The following ACVR2A variants were observed in gnomAD, a reference collection of about 807,000 sequenced individuals.
ACVR2A encodes the protein activin receptor type-2A.
Under a neutral mutation model 61.4 loss-of-function variants are expected in ACVR2A, and 7 were observed. That is an observed-to-expected ratio of 0.11 (90% CI 0.06 to 0.21). The LOEUF is 0.21. ACVR2A is among the 10% of genes least tolerant of loss of function. The probability of loss-of-function intolerance (pLI) is 1.00; values close to 1 mark genes in which losing one functional copy is unlikely to be tolerated. For missense variants in ACVR2A, 322 were observed against 621.7 expected (o/e 0.52, Z 5.13); for synonymous variants, 193 against 208.3 (o/e 0.93, Z 0.63).
chr2:147,900,950 A>G (rs1686857805), intron 4 of ACVR2A, among the ~76,000 whole-genome samples: 1 of 152,060 alleles, frequency 6.6e-6, no homozygotes, highest in Non-Finnish European at 1.5e-5. Flanking sequence ...ATCTGTTAGC[A>G]TTAGATCATG....
intron 4 of ACVR2A, among the ~76,000 whole-genome samples, chr2:147,914,564 T>C (rs1687204080): frequency 6.6e-6 from 1 of 151,962 alleles, no homozygotes; most frequent in African/African-American, 2.4e-5. Context: ...TGATTTTTTA[T>C]CTCAGATCAA....
intron 1 of ACVR2A, among the ~76,000 whole-genome samples, chr2:147,880,354 T>C (rs1358021753): frequency 6.6e-6 from 1 of 152,192 alleles, no homozygotes; most frequent in Admixed American, 6.6e-5. Flanking sequence ...CATTTTTTAA[T>C]GCCAACTCAG....
chr2:147,874,175 G>C (rs1475227859), intron 1 of ACVR2A, among the ~76,000 whole-genome samples: 1 of 151,836 alleles, frequency 6.6e-6, no homozygotes, highest in Non-Finnish European at 1.5e-5. Flanking sequence ...GTATATAAGT[G>C]GTTAAGAGCT....
At chr2:147,894,452 C>T (rs1008155363) in intron 1 of ACVR2A, among the ~76,000 whole-genome samples, 1 of 152,036 alleles carries the variant, frequency 6.6e-6, no homozygotes, top group South Asian at 2.1e-4. Flanking sequence ...ACATTAAAGT[C>T]TGCTTTGTCA....
At chr2:147,925,863 T>G in intron 9 of ACVR2A, 168 bp from the exon 10 acceptor site, 1 of 580,322 alleles carries the variant, frequency 1.7e-6, no homozygotes, top group Non-Finnish European at 2.9e-6. Flanking sequence ...TACATTAGTT[T>G]GGTCACACTG....
intron 1 of ACVR2A, among the ~76,000 whole-genome samples, chr2:147,863,241 A>G (rs1461702991): frequency 6.6e-6 from 1 of 152,202 alleles, no homozygotes; most frequent in Non-Finnish European, 1.5e-5. Context: ...TACTGTTGCC[A>G]GCACCCCTTG....
chr2:147,858,062 T>C (rs1685631714), intron 1 of ACVR2A, among the ~76,000 whole-genome samples: 1 of 152,198 alleles, frequency 6.6e-6, no homozygotes, highest in Non-Finnish European at 1.5e-5. Flanking sequence ...TTGTGGTATT[T>C]GGTTTTCTGT....
At chr2:147,845,854 AACC>A (rs1264768212) in intron 1 of ACVR2A, among the ~76,000 whole-genome samples, 4 of 152,220 alleles carry the variant, frequency 2.6e-5, no homozygotes, top group Non-Finnish European at 5.9e-5. Flanking sequence ...GCTGGCGTTC[AACC>A]ACCATTTGTG....
At chr2:147,887,989 C>G (rs924752992) in intron 1 of ACVR2A, among the ~76,000 whole-genome samples, 1 of 152,196 alleles carries the variant, frequency 6.6e-6, no homozygotes, top group African/African-American at 2.4e-5. Context: ...CTTTCTGGAA[C>G]TACTGGGATA....
chr2:147,882,585 A>G (rs1437332648), intron 1 of ACVR2A, among the ~76,000 whole-genome samples: 1 of 152,182 alleles, frequency 6.6e-6, no homozygotes, highest in Non-Finnish European at 1.5e-5. Context: ...GAAGTCCCTA[A>G]GTAACTAGTG....
intron 1 of ACVR2A, among the ~76,000 whole-genome samples, chr2:147,874,650 A>T (rs62169483): frequency 0.14 from 21,704 of 151,898 alleles, 1,918 homozygotes; most frequent in Middle Eastern, 0.23. Flanking sequence ...TCAACACTCA[A>T]ATATAGCTGT....
chr2:147,852,835 T>C (rs1297234643), intron 1 of ACVR2A, among the ~76,000 whole-genome samples: 3 of 152,078 alleles, frequency 2.0e-5, no homozygotes, highest in African/African-American at 7.2e-5. Context: ...AGAGTAAACT[T>C]GACCATGGAT....
Position 147,926,171 on chromosome 2 carries a change from C to T in ACVR2A, c.1347+10C>T, listed in dbSNP as rs1346158569. ...TTGGCAGAAACATGCTGTAAGTTAT[C>T]CAGTTAGCTTTTCATTTGAAATTCC... is the stretch of plus-strand genomic sequence containing the variant. On this transcript the variant is annotated intron_variant, in intron 10 of 10. Transcript: ENST00000241416. 4 of 1,598,430 alleles carry T rather than the reference C, an allele frequency of 2.5e-6. No homozygotes were observed. The South Asian group carries it at 3.4e-5, about 14-fold the overall frequency.
intron 1 of ACVR2A, among the ~76,000 whole-genome samples, chr2:147,893,189 C>G (rs1056031434): frequency 3.3e-5 from 5 of 152,172 alleles, no homozygotes; most frequent in African/African-American, 1.2e-4. Context: ...TCTGCTTTCA[C>G]TTAGCATAAT....
chr2:147,884,183 A>G (rs955442689), intron 1 of ACVR2A, among the ~76,000 whole-genome samples: 5 of 152,172 alleles, frequency 3.3e-5, no homozygotes, highest in African/African-American at 1.2e-4. Flanking sequence ...TTAAAAAACT[A>G]GCCTATAAAT....
At position 147,922,955 on chromosome 2, in the gene ACVR2A, T is replaced by G. The variant is rs1299322097; in HGVS notation, c.1078-18T>G. 12 of 1,596,118 alleles carry G rather than the reference T, an allele frequency of 7.5e-6. No homozygotes were observed. The highest frequency in any genetic ancestry group is 1.0e-5 in the Non-Finnish European group (12 of 1,174,486). ...AAGTTAATGAATGAGTACTCTTTGC[T>G]TTTAACATCTTTTTCAGGTTGGTAC... On this transcript the variant is annotated intron_variant, in intron 8 of 10. Coordinates refer to ENST00000241416, the MANE Select transcript of ACVR2A (RefSeq NM_001616.5).
chr2:147,860,307 G>A (rs1259111606), intron 1 of ACVR2A, among the ~76,000 whole-genome samples: 1 of 151,960 alleles, frequency 6.6e-6, no homozygotes, highest in Non-Finnish European at 1.5e-5. Flanking sequence ...CAAGTAGCAG[G>A]GCCACCTGGC....
At chr2:147,870,546 A>G (rs2105157027) in intron 1 of ACVR2A, among the ~76,000 whole-genome samples, 1 of 152,278 alleles carries the variant, frequency 6.6e-6, no homozygotes, top group East Asian at 1.9e-4. Flanking sequence ...GGCACTAAAT[A>G]TTGGAGATCT....
chr2:147,926,790 T>G (rs1021462563), intron 10 of ACVR2A, among the ~76,000 whole-genome samples: 1 of 151,874 alleles, frequency 6.6e-6, no homozygotes, highest in African/African-American at 2.4e-5. Flanking sequence ...TATCCTTGAT[T>G]TTTGAGTCCA....
Sources: gnomAD v4.1 joint callset for allele counts (sites outside exome capture counted in the v4.1 genomes callset) on GRCh38, gnomAD v4.1.1 for gene constraint, MANE v1.5 for transcripts, NCBI Gene and HGNC (gene_info 2026-07-23, HGNC 2026-07-21) for gene names.